PPP2R3A: variants seen among roughly 807,000 people sequenced by gnomAD.
The protein encoded by PPP2R3A is serine/threonine-protein phosphatase 2A regulatory subunit B'' subunit alpha.
Under a neutral mutation model 106.9 loss-of-function variants are expected in PPP2R3A, and 80 were observed. The ratio of observed to expected loss-of-function variants is 0.75; its 90% confidence interval spans 0.62 to 0.90. PPP2R3A has a LOEUF of 0.90. PPP2R3A is among the 40% of genes least tolerant of loss of function. The pLI is 0.00. For synonymous variants in PPP2R3A, 483 were observed against 468.3 expected (o/e 1.03, Z -0.41); for missense variants, 1,386 against 1,350.4 (o/e 1.03, Z -0.41).
chr3:136,047,368 A>G (rs1217229508), intron 4 of PPP2R3A, among the ~76,000 whole-genome samples: 1 of 152,234 alleles, frequency 6.6e-6, no homozygotes, highest in Admixed American at 6.5e-5. Flanking sequence ...CACTGTTCAC[A>G]ATTGCAAAGA....
At chr3:136,075,329 G>C (rs1293006353) in intron 6 of PPP2R3A, among the ~76,000 whole-genome samples, 1 of 152,124 alleles carries the variant, frequency 6.6e-6, no homozygotes, top group Non-Finnish European at 1.5e-5. Flanking sequence ...AAATGATGAT[G>C]AATTTTATTT....
At chr3:136,053,681 T>C (rs1935759206) in intron 5 of PPP2R3A, among the ~76,000 whole-genome samples, 2 of 152,198 alleles carry the variant, frequency 1.3e-5, no homozygotes, top group African/African-American at 4.8e-5. Context: ...CAGCCACAGA[T>C]TAAAATTCTC....
At chr3:136,115,605 A>G (rs560717252) in intron 13 of PPP2R3A, among the ~76,000 whole-genome samples, 1 of 152,024 alleles carries the variant, frequency 6.6e-6, no homozygotes. Context: ...TGAAGCATAT[A>G]CAACTATCAG....
chr3:135,979,256 G>C (rs919217571), intron 1 of PPP2R3A, among the ~76,000 whole-genome samples: 1 of 151,566 alleles, frequency 6.6e-6, no homozygotes, highest in Middle Eastern at 3.4e-3. Flanking sequence ...GCACACACCT[G>C]CAATCCCAGC....
intron 10 of PPP2R3A, among the ~76,000 whole-genome samples, chr3:136,099,145 C>G (rs1026105787): frequency 1.3e-5 from 2 of 152,096 alleles, no homozygotes; most frequent in African/African-American, 4.8e-5. Context: ...ACTGACCTGC[C>G]CAAGAATAAA....
chr3:136,107,375 T>C (rs988128553), intron 13 of PPP2R3A, among the ~76,000 whole-genome samples: 1 of 151,748 alleles, frequency 6.6e-6, no homozygotes, highest in Non-Finnish European at 1.5e-5. Flanking sequence ...TTGCTTACTC[T>C]TCCAAAGAGC....
Position 135,983,534 on chromosome 3 carries a change from C to G in PPP2R3A, c.-440-17525C>G, listed in dbSNP as rs200391003. ...GTTTCTTCTTTTCAGTGCATTTTTG[C>G]TTTTCTATTTATATGTTTCCTCTAA... On this transcript the variant is annotated intron_variant, in intron 1 of 13. Transcript: ENST00000264977. Among the ~76,000 whole-genome samples the G allele has an allele frequency of 1.8e-4, 27 of 152,256 alleles. No individual in the cohort carries two copies. In the East Asian group the frequency reaches 4.2e-3, roughly 24 times the overall value.
chr3:136,078,212 A>T (rs879511261), intron 6 of PPP2R3A, among the ~76,000 whole-genome samples, 155 bp from the exon 7 acceptor site: 1 of 152,274 alleles, frequency 6.6e-6, no homozygotes, highest in Non-Finnish European at 1.5e-5. Flanking sequence ...ATGTAGATTT[A>T]AAAATACAGT....
At chr3:136,028,600 A>G (rs1934750990) in intron 3 of PPP2R3A, among the ~76,000 whole-genome samples, 1 of 152,230 alleles carries the variant, frequency 6.6e-6, no homozygotes, top group South Asian at 2.1e-4. Flanking sequence ...ACTAACTTCC[A>G]GTTAATAGCC....
intron 7 of PPP2R3A, among the ~76,000 whole-genome samples, chr3:136,079,455 C>G (rs892279864): frequency 6.8e-6 from 1 of 147,910 alleles, no homozygotes; most frequent in African/African-American, 2.5e-5. Flanking sequence ...CTTGCCCAGG[C>G]TGGAGTGCAG....
intron 10 of PPP2R3A, among the ~76,000 whole-genome samples, chr3:136,099,924 A>G (rs988301628): frequency 1.3e-5 from 2 of 151,888 alleles, no homozygotes; most frequent in African/African-American, 4.8e-5. Context: ...TCTTAAAAAA[A>G]AAAAAAAAAG....
intron 13 of PPP2R3A, among the ~76,000 whole-genome samples, chr3:136,122,504 T>A (rs964320690): frequency 1.3e-5 from 2 of 152,210 alleles, no homozygotes; most frequent in African/African-American, 4.8e-5. Flanking sequence ...TTTGCATCCC[T>A]TGAATACTGT....
At chr3:136,010,309 A>T (rs1352034327) in intron 2 of PPP2R3A, among the ~76,000 whole-genome samples, 1 of 130,524 alleles carries the variant, frequency 7.7e-6, no homozygotes, top group Non-Finnish European at 1.5e-5. Context: ...CCCAGGCTGG[A>T]GTGCAGTGGT....
intron 2 of PPP2R3A, among the ~76,000 whole-genome samples, chr3:136,010,408 G>T (rs1396540516): frequency 4.4e-5 from 6 of 136,388 alleles, no homozygotes; most frequent in Admixed American, 3.0e-4. Flanking sequence ...ATGCCATCAC[G>T]CTCGGCTAAT....
At chr3:135,978,093 T>C (rs1404839538) in intron 1 of PPP2R3A, among the ~76,000 whole-genome samples, 2 of 152,210 alleles carry the variant, frequency 1.3e-5, no homozygotes, top group Non-Finnish European at 2.9e-5. Context: ...CTGTACTCTT[T>C]GCAACTTTTC....
At chr3:136,125,203 T>G (rs1938138966) in intron 13 of PPP2R3A, among the ~76,000 whole-genome samples, 2 of 152,074 alleles carry the variant, frequency 1.3e-5, no homozygotes, top group African/African-American at 4.8e-5. Flanking sequence ...GCCTGTAGTC[T>G]CAACTACTTG....
At chr3:136,073,032 G>A (rs1406487595) in intron 6 of PPP2R3A, among the ~76,000 whole-genome samples, 2 of 152,026 alleles carry the variant, frequency 1.3e-5, no homozygotes, top group Admixed American at 6.6e-5. Context: ...CAGTGGCACG[G>A]TCTCGGCTCA....
chr3:136,123,115 C>T (rs1047076237), intron 13 of PPP2R3A, among the ~76,000 whole-genome samples: 11 of 152,134 alleles, frequency 7.2e-5, no homozygotes, highest in African/African-American at 2.7e-4. Context: ...CCCCAAAATA[C>T]GTTGTGGAAC....
chr3:136,078,995 G>T (rs1936690363), intron 7 of PPP2R3A, among the ~76,000 whole-genome samples: 1 of 152,186 alleles, frequency 6.6e-6, no homozygotes, highest in African/African-American at 2.4e-5. Flanking sequence ...TAATCTTCAT[G>T]CCTGATTGTT....
Sources: allele counts gnomAD v4.1 joint callset (sites outside exome capture counted in the v4.1 genomes callset), GRCh38; gene constraint gnomAD v4.1.1; transcripts MANE v1.5; gene names NCBI Gene and HGNC (gene_info 2026-07-23, HGNC 2026-07-21).